The following TMEFF2 variants were observed in gnomAD, a reference collection of about 807,000 sequenced individuals.
TMEFF2 encodes tomoregulin-2.
Under a neutral mutation model 53.8 loss-of-function variants are expected in TMEFF2, and 28 were observed. The ratio of observed to expected loss-of-function variants is 0.52; its 90% CI spans 0.39 to 0.71. The LOEUF is 0.71. Among genes scored for constraint, TMEFF2 ranks in the 30% least tolerant of loss-of-function variants. The probability of loss-of-function intolerance (pLI) is 0.00; values close to 1 mark genes in which losing one functional copy is unlikely to be tolerated. For missense variants in TMEFF2, 353 were observed against 455.2 expected (o/e 0.78, Z 2.04); for synonymous variants, 162 against 166.3 (o/e 0.97, Z 0.20).
intron 9 of TMEFF2, among the ~76,000 whole-genome samples, chr2:191,950,830 G>C (rs1431293497): frequency 1.3e-5 from 2 of 152,118 alleles, no homozygotes; most frequent in Non-Finnish European, 2.9e-5. Flanking sequence ...TCAAACCAGA[G>C]AATGAACCAA....
chr2:192,119,385 AAT>A (rs963889642), intron 4 of TMEFF2, among the ~76,000 whole-genome samples: 3 of 152,140 alleles, frequency 2.0e-5, no homozygotes, highest in African/African-American at 4.8e-5. Flanking sequence ...TACATCTTTG[AAT>A]ATGTTTTTCC....
At chr2:192,149,565 GA>G (rs1690336390) in intron 4 of TMEFF2, among the ~76,000 whole-genome samples, 2 of 151,966 alleles carry the variant, frequency 1.3e-5, no homozygotes, top group Admixed American at 1.3e-4. Context: ...GGGAATATTA[GA>G]TGTACATTTA....
intron 5 of TMEFF2, among the ~76,000 whole-genome samples, chr2:192,000,795 G>A (rs1686338933): frequency 6.6e-6 from 1 of 152,182 alleles, no homozygotes; most frequent in African/African-American, 2.4e-5. Flanking sequence ...GAGAATTGCT[G>A]TAGGAATGCC....
intron 7 of TMEFF2, among the ~76,000 whole-genome samples, chr2:191,979,743 C>T (rs550183376): frequency 6.6e-5 from 10 of 150,500 alleles, no homozygotes; most frequent in African/African-American, 2.0e-4. Context: ...TTTTAAATGC[C>T]CAGTAGAGAT....
intron 7 of TMEFF2, among the ~76,000 whole-genome samples, chr2:191,956,615 C>T (rs1428136683): frequency 6.6e-6 from 1 of 152,204 alleles, no homozygotes; most frequent in East Asian, 1.9e-4. Flanking sequence ...TTTCCTACAT[C>T]TTTAACAGCT....
At chr2:191,969,234 A>C (rs747736173) in intron 7 of TMEFF2, among the ~76,000 whole-genome samples, 1 of 152,138 alleles carries the variant, frequency 6.6e-6, no homozygotes, top group Non-Finnish European at 1.5e-5. Context: ...ATGAATAAAT[A>C]AATGAATATT....
intron 4 of TMEFF2, among the ~76,000 whole-genome samples, chr2:192,154,168 A>G (rs1690452963): frequency 1.3e-5 from 2 of 151,888 alleles, no homozygotes; most frequent in African/African-American, 2.4e-5. Context: ...TACACTTGGC[A>G]ATGTTACACT....
chr2:192,098,523 G>A (rs1688965107), intron 4 of TMEFF2, among the ~76,000 whole-genome samples: 1 of 152,132 alleles, frequency 6.6e-6, no homozygotes, highest in South Asian at 2.1e-4. Flanking sequence ...TTGACAGTGA[G>A]ATTTACGAAT....
At chr2:192,174,435 A>G (rs957709841) in intron 4 of TMEFF2, among the ~76,000 whole-genome samples, 2 of 151,382 alleles carry the variant, frequency 1.3e-5, no homozygotes, top group Non-Finnish European at 3.0e-5. Context: ...TTTGCTTTCT[A>G]TATTTTTCCA....
chr2:192,136,447 AT>A (rs1162544659), intron 4 of TMEFF2, among the ~76,000 whole-genome samples: 3 of 152,122 alleles, frequency 2.0e-5, no homozygotes, highest in Non-Finnish European at 4.4e-5. Context: ...ACATGGTATC[AT>A]TTTTTTATAA....
chr2:192,147,096 A>G (rs1690269814), intron 4 of TMEFF2, among the ~76,000 whole-genome samples: 3 of 152,038 alleles, frequency 2.0e-5, no homozygotes, highest in African/African-American at 7.2e-5. Context: ...TCTTCTTTTT[A>G]AGTGGCTTTT....
At chr2:191,959,044 T>C (rs1692189641) in intron 7 of TMEFF2, among the ~76,000 whole-genome samples, 1 of 152,220 alleles carries the variant, frequency 6.6e-6, no homozygotes, top group Non-Finnish European at 1.5e-5. Context: ...TTAATGTTTA[T>C]GTATAGTAGG....
At chr2:192,186,431 G>A (rs887554614) in intron 2 of TMEFF2, among the ~76,000 whole-genome samples, 5 of 152,184 alleles carry the variant, frequency 3.3e-5, no homozygotes, top group Non-Finnish European at 7.3e-5. Context: ...AGCAAGGCAA[G>A]TGCAGGGATA....
chr2:191,972,420 C>T (rs1692675143), intron 7 of TMEFF2, among the ~76,000 whole-genome samples: 1 of 150,276 alleles, frequency 6.7e-6, no homozygotes, highest in Admixed American at 6.7e-5. Context: ...ACCTCGGCCT[C>T]CCAAAGGGTT....
At chr2:191,992,743 G>C (rs959014103) in intron 7 of TMEFF2, 7 of 151,972 alleles carry the variant, frequency 4.6e-5, no homozygotes, top group African/African-American at 1.7e-4. Context: ...TCTCTATGTG[G>C]AAAAATAGGA....
chr2:192,051,264 A>G (rs1356967830), intron 5 of TMEFF2, among the ~76,000 whole-genome samples: 4 of 147,516 alleles, frequency 2.7e-5, no homozygotes, highest in African/African-American at 5.0e-5. Flanking sequence ...GAGTAAACTT[A>G]TATTAGAAAC....
intron 4 of TMEFF2, among the ~76,000 whole-genome samples, chr2:192,074,221 C>G (rs527857659): frequency 1.1e-4 from 17 of 151,970 alleles, no homozygotes; most frequent in African/African-American, 3.9e-4. Context: ...TAAGTTGCTG[C>G]TATTAGTTCT....
At chr2:192,099,828 T>C (rs969214642) in intron 4 of TMEFF2, among the ~76,000 whole-genome samples, 7 of 151,464 alleles carry the variant, frequency 4.6e-5, no homozygotes, top group Admixed American at 4.0e-4. Flanking sequence ...TTTGGTTCAG[T>C]AGTGCTTCTG....
intron 4 of TMEFF2, among the ~76,000 whole-genome samples, chr2:192,110,011 G>A (rs1294826425): frequency 1.3e-5 from 2 of 152,014 alleles, no homozygotes; most frequent in Non-Finnish European, 2.9e-5. Flanking sequence ...TGAAAAGAAA[G>A]AAGAACAGAG....
Sources: gnomAD v4.1 joint callset for allele counts (sites outside exome capture counted in the v4.1 genomes callset) on GRCh38, gnomAD v4.1.1 for gene constraint, MANE v1.5 for transcripts, NCBI Gene and HGNC (gene_info 2026-07-23, HGNC 2026-07-21) for gene names.